Variants in GPR39 observed in about 807,000 individuals in gnomAD.
GPR39 encodes zinc sensing receptor.
GPR39 carries 23 observed loss-of-function variants against 18.4 expected under a neutral mutation model. The ratio of observed to expected loss-of-function variants is 1.25; its 90% confidence interval spans 0.90 to 1.77. The LOEUF (loss-of-function observed/expected upper bound fraction) is 1.77. Among genes scored for constraint, GPR39 ranks in the 40% most tolerant of loss-of-function variants. The probability of loss-of-function intolerance (pLI) is 0.00; values close to 1 mark genes in which losing one functional copy is unlikely to be tolerated. For missense variants in GPR39, 647 were observed against 602.4 expected (o/e 1.07, Z -0.78); for synonymous variants, 280 against 257.9 (o/e 1.09, Z -0.82).
chr2:132,585,605 C>G (rs1229924934), intron 1 of GPR39, among the ~76,000 whole-genome samples: 1 of 152,198 alleles, frequency 6.6e-6, no homozygotes, highest in Non-Finnish European at 1.5e-5. Flanking sequence ...CACGGGCTCC[C>G]TGCTCCGGCC....
At chr2:132,642,674 T>C (rs1420565471) in intron 1 of GPR39, among the ~76,000 whole-genome samples, 2 of 152,248 alleles carry the variant, frequency 1.3e-5, no homozygotes, top group African/African-American at 4.8e-5. Context: ...CTTTGTCTGT[T>C]GGCTTTAAAA....
intron 1 of GPR39, among the ~76,000 whole-genome samples, chr2:132,591,269 AAAAAAAAAC>A (rs1680836426): frequency 8.2e-6 from 1 of 122,086 alleles, no homozygotes; most frequent in Non-Finnish European, 1.6e-5. Context: ...AAAAAAAAAA[AAAAAAAAAC>A]AAAAAAAAAC....
At chr2:132,456,769 T>C (rs1478370078) in intron 1 of GPR39, among the ~76,000 whole-genome samples, 1 of 152,246 alleles carries the variant, frequency 6.6e-6, no homozygotes, top group African/African-American at 2.4e-5. Flanking sequence ...AAATTCTGGG[T>C]TGAAAATTCT....
At chr2:132,518,197 T>A (rs1679366569) in intron 1 of GPR39, among the ~76,000 whole-genome samples, 1 of 152,212 alleles carries the variant, frequency 6.6e-6, no homozygotes, top group South Asian at 2.1e-4. Context: ...ATCATAATTT[T>A]ATTATAATTA....
intron 1 of GPR39, among the ~76,000 whole-genome samples, chr2:132,574,525 T>C (rs1680498036): frequency 1.3e-5 from 2 of 152,060 alleles, no homozygotes; most frequent in African/African-American, 4.8e-5. Flanking sequence ...GACCCCAGGA[T>C]TTCAAGAGAG....
chr2:132,550,009 C>A (rs72851129), intron 1 of GPR39, among the ~76,000 whole-genome samples: 50,287 of 149,390 alleles, frequency 0.34, 8,660 homozygotes, highest in African/African-American at 0.42. Context: ...GGTGGGAGAC[C>A]AAAGGGAGAC....
At chr2:132,519,445 G>A (rs1679386861) in intron 1 of GPR39, among the ~76,000 whole-genome samples, 1 of 152,210 alleles carries the variant, frequency 6.6e-6, no homozygotes, top group Admixed American at 6.5e-5. Context: ...CTTTGGCAAT[G>A]TTCCTGAGGA....
chr2:132,633,995 G>A (rs1451564911), intron 1 of GPR39, among the ~76,000 whole-genome samples: 1 of 151,560 alleles, frequency 6.6e-6, no homozygotes, highest in Non-Finnish European at 1.5e-5. Flanking sequence ...AGGTGGAGAT[G>A]ATGATGGTGG....
intron 1 of GPR39, among the ~76,000 whole-genome samples, chr2:132,621,870 A>G (rs564023666): frequency 6.6e-6 from 1 of 152,298 alleles, no homozygotes; most frequent in African/African-American, 2.4e-5. Flanking sequence ...GTCCTAAGTA[A>G]GAAGGCATCT....
At chr2:132,597,801 G>A (rs1040223030) in intron 1 of GPR39, among the ~76,000 whole-genome samples, 4 of 152,184 alleles carry the variant, frequency 2.6e-5, no homozygotes, top group African/African-American at 9.7e-5. Flanking sequence ...CAGGTTCTAG[G>A]GGTAGGGAAG....
At chr2:132,475,684 T>C (rs1263983426) in intron 1 of GPR39, among the ~76,000 whole-genome samples, 2 of 152,140 alleles carry the variant, frequency 1.3e-5, no homozygotes, top group African/African-American at 4.8e-5. Flanking sequence ...ATTTACCACA[T>C]GGAAAAGTCA....
intron 1 of GPR39, among the ~76,000 whole-genome samples, chr2:132,613,614 T>C (rs1328664421): frequency 6.6e-6 from 1 of 152,244 alleles, no homozygotes; most frequent in East Asian, 1.9e-4. Flanking sequence ...GCAATGTTCA[T>C]TGCTATATCA....
intron 1 of GPR39, among the ~76,000 whole-genome samples, chr2:132,592,964 G>T (rs1202570489): frequency 6.6e-6 from 1 of 152,138 alleles, no homozygotes; most frequent in Non-Finnish European, 1.5e-5. Flanking sequence ...ACACATTTAG[G>T]TTTGATGACC....
chr2:132,628,587 C>A (rs1019252532), intron 1 of GPR39, among the ~76,000 whole-genome samples: 1 of 152,212 alleles, frequency 6.6e-6, no homozygotes, highest in Admixed American at 6.5e-5. Context: ...GCACATCTTT[C>A]TGGGAAAGAG....
intron 1 of GPR39, among the ~76,000 whole-genome samples, chr2:132,464,056 T>C (rs1158445193): frequency 1.3e-5 from 2 of 152,226 alleles, no homozygotes; most frequent in African/African-American, 4.8e-5. Flanking sequence ...TGCCACATTC[T>C]ATTGGTCACA....
intron 1 of GPR39, among the ~76,000 whole-genome samples, chr2:132,420,826 A>T (rs1387357357): frequency 1.3e-5 from 2 of 152,196 alleles, no homozygotes; most frequent in African/African-American, 4.8e-5. Flanking sequence ...TGGGCTGGTG[A>T]ATAAGGAAAA....
intron 1 of GPR39, among the ~76,000 whole-genome samples, chr2:132,600,395 G>A (rs1681017459): frequency 6.6e-6 from 1 of 151,938 alleles, no homozygotes; most frequent in Admixed American, 6.6e-5. Context: ...GGAAAATAAA[G>A]ATGAGAGCAG....
chr2:132,457,446 G>C (rs1680750364), intron 1 of GPR39, among the ~76,000 whole-genome samples: 1 of 152,142 alleles, frequency 6.6e-6, no homozygotes, highest in South Asian at 2.1e-4. Context: ...GCTTGGAGAA[G>C]TTTGTTATTA....
At chr2:132,542,517 C>G (rs569176359) in intron 1 of GPR39, among the ~76,000 whole-genome samples, 17 of 152,240 alleles carry the variant, frequency 1.1e-4, no homozygotes, top group Non-Finnish European at 2.5e-4. Context: ...ATGAAAAATG[C>G]AAGGTCAAGG....
Sources: allele counts gnomAD v4.1 joint callset (sites outside exome capture counted in the v4.1 genomes callset), GRCh38; gene constraint gnomAD v4.1.1; transcripts MANE v1.5; gene names NCBI Gene and HGNC (gene_info 2026-07-23, HGNC 2026-07-21).